The following RBFOX1 variants were observed in gnomAD, a reference collection of about 807,000 sequenced individuals.
RBFOX1 encodes RNA binding fox-1 homolog 1, also known as RNA binding protein fox-1 homolog 1.
In RBFOX1, 8 loss-of-function variants were observed where a neutral mutation model predicts 57.7. That is an observed-to-expected ratio of 0.14 (90% CI 0.08 to 0.25). RBFOX1 has a LOEUF of 0.25. Ranked by LOEUF, RBFOX1 falls within the 10% of genes least tolerant of loss-of-function variation. RBFOX1 has a pLI of 1.00. For missense variants in RBFOX1, 611 were observed against 548.5 expected, an observed-to-expected ratio of 1.11 and a Z score of -1.14; for synonymous variants, 326 against 222.4, an observed-to-expected ratio of 1.47 and a Z score of -4.15.
intron 2 of RBFOX1, among the ~76,000 whole-genome samples, chr16:6,562,880 C>CTTTCTTTCTTTCTTTCT (rs746999419): frequency 5.8e-5 from 3 of 51,776 alleles, no homozygotes; most frequent in Non-Finnish European, 1.2e-4. Context: ...TTCTTTCTTT[C>CTTTCTTTCTTTCTTTCT]TTTTTTTTTT....
chr16:6,780,267 A>T (rs867187013), intron 3 of RBFOX1, among the ~76,000 whole-genome samples: 3 of 72,266 alleles, frequency 4.2e-5, no homozygotes, highest in Non-Finnish European at 4.5e-5. Context: ...ATATATATTT[A>T]TACATATATA....
chr16:5,380,435 T>C (rs1209008524), intron 1 of RBFOX1, among the ~76,000 whole-genome samples: 2 of 152,168 alleles, frequency 1.3e-5, no homozygotes, highest in Non-Finnish European at 2.9e-5. Context: ...GTTGGAAAAC[T>C]AAGGTCTGCT....
intron 1 of RBFOX1, among the ~76,000 whole-genome samples, chr16:5,353,636 G>C (rs2065314175): frequency 6.6e-6 from 1 of 151,840 alleles, no homozygotes; most frequent in African/African-American, 2.4e-5. Context: ...TGTCATTGGT[G>C]GTATTAAGGG....
chr16:5,618,338 T>G (rs56238551), intron 3 of RBFOX1, among the ~76,000 whole-genome samples: 74,882 of 143,486 alleles, frequency 0.52, 21,648 homozygotes, highest in Non-Finnish European at 0.67. Context: ...GATTTTTTTT[T>G]TTTGTGTGTG....
At chr16:7,434,058 A>G (rs922662141) in intron 4 of RBFOX1, among the ~76,000 whole-genome samples, 1 of 152,226 alleles carries the variant, frequency 6.6e-6, no homozygotes, top group Non-Finnish European at 1.5e-5. Flanking sequence ...TCAGAAAGAC[A>G]CTAAAAGATG....
chr16:7,505,367 C>G (rs539262146), intron 4 of RBFOX1, among the ~76,000 whole-genome samples: 51 of 152,080 alleles, frequency 3.4e-4, no homozygotes, highest in South Asian at 3.3e-3. Flanking sequence ...AGTGGCAAGA[C>G]AGGGTCCTCT....
chr16:5,399,646 G>A (rs1334128100), intron 1 of RBFOX1, among the ~76,000 whole-genome samples: 1 of 151,994 alleles, frequency 6.6e-6, no homozygotes, highest in African/African-American at 2.4e-5. Flanking sequence ...TGAGGTGGGA[G>A]GATTACCTGA....
intron 4 of RBFOX1, among the ~76,000 whole-genome samples, chr16:5,937,516 C>T (rs746031193): frequency 6.6e-6 from 1 of 151,468 alleles, no homozygotes; most frequent in African/African-American, 2.4e-5. Flanking sequence ...TATTTGCAGG[C>T]AACTATATGA....
Position 6,824,983 on chromosome 16 carries a change from G to GTTTTTTTTTTTTTTTTTTTTTTTTTTT in RBFOX1, c.-16+170338_-16+170364dup, listed in dbSNP as rs151177772. 2.7e-4 allele frequency among the ~76,000 whole-genome samples: 10 copies of GTTTTTTTTTTTTTTTTTTTTTTTTTTT among 36,912 alleles called. 3 individuals are homozygous for GTTTTTTTTTTTTTTTTTTTTTTTTTTT. Among genetic ancestry groups the GTTTTTTTTTTTTTTTTTTTTTTTTTTT allele is most frequent in the African/African-American group, 2.9e-4 (4 of 13,936 alleles). 24.2% of individuals were successfully genotyped at this position (36,912 alleles called of 152,430 possible). On this transcript the variant is annotated intron_variant, in intron 3 of 15. Transcript: ENST00000550418. ...GGATTTCTTTTTTCTTTCTTTCTTG[G>GTTTTTTTTTTTTTTTTTTTTTTTTTTT]TTTTTTTTTTTTTTTTTTTTTTTTT...
chr16:6,129,076 G>A (rs73527962), intron 1 of RBFOX1, among the ~76,000 whole-genome samples: 2,060 of 131,480 alleles, frequency 0.016, 45 homozygotes, highest in African/African-American at 0.05. Context: ...GCACAATCTG[G>A]ATTTCTATAA....
intron 1 of RBFOX1, among the ~76,000 whole-genome samples, chr16:5,387,608 A>G (rs1339654931): frequency 6.6e-6 from 1 of 152,218 alleles, no homozygotes; most frequent in African/African-American, 2.4e-5. Flanking sequence ...ACATAATCTC[A>G]CGGCCACACC....
At chr16:6,459,132 G>A (rs374887127) in intron 2 of RBFOX1, among the ~76,000 whole-genome samples, 6 of 152,148 alleles carry the variant, frequency 3.9e-5, no homozygotes, top group South Asian at 2.1e-4. Context: ...TCAGCAGATC[G>A]AGACCATCCT....
chr16:6,800,291 C>G (rs1381914841), intron 3 of RBFOX1, among the ~76,000 whole-genome samples: 1 of 152,172 alleles, frequency 6.6e-6, no homozygotes, highest in Non-Finnish European at 1.5e-5. Flanking sequence ...CTGGAAACAC[C>G]TTAGTCCTGG....
intron 2 of RBFOX1, among the ~76,000 whole-genome samples, chr16:5,469,393 C>T (rs955876859): frequency 6.6e-6 from 1 of 152,184 alleles, no homozygotes; most frequent in African/African-American, 2.4e-5. Context: ...GGTGGGGGAG[C>T]AGTTTATAAC....
intron 1 of RBFOX1, among the ~76,000 whole-genome samples, chr16:6,295,116 T>G (rs999206151): frequency 1.3e-4 from 19 of 148,704 alleles, no homozygotes; most frequent in Non-Finnish European, 2.2e-4. Context: ...TTTTTTTTTT[T>G]TTTTTTTTTT....
chr16:6,176,429 G>A (rs1326730186), intron 1 of RBFOX1, among the ~76,000 whole-genome samples: 1 of 151,522 alleles, frequency 6.6e-6, no homozygotes, highest in African/African-American at 2.4e-5. Context: ...AAAGTGCTGG[G>A]ATTACAGGCA....
intron 4 of RBFOX1, among the ~76,000 whole-genome samples, chr16:7,203,814 AG>A (rs564116626): frequency 5.8e-4 from 88 of 152,320 alleles, no homozygotes; most frequent in African/African-American, 2.1e-3. Context: ...CTTCCCAGCA[AG>A]TGATTGTCTT....
chr16:7,566,400 T>G (rs1439603931), intron 5 of RBFOX1, among the ~76,000 whole-genome samples: 1 of 152,146 alleles, frequency 6.6e-6, no homozygotes, highest in East Asian at 1.9e-4. Context: ...TTGCAGCTGC[T>G]CTACGTGCCT....
chr16:7,082,412 A>C (rs565718576), intron 4 of RBFOX1, among the ~76,000 whole-genome samples: 7 of 152,020 alleles, frequency 4.6e-5, no homozygotes, highest in Admixed American at 1.3e-4. Context: ...ACAACCCTGC[A>C]TCTACCAAAA....
Sources: gnomAD v4.1 joint callset for allele counts (sites outside exome capture counted in the v4.1 genomes callset) on GRCh38, gnomAD v4.1.1 for gene constraint, MANE v1.5 for transcripts, NCBI Gene and HGNC (gene_info 2026-07-23, HGNC 2026-07-21) for gene names.